The following EHD1 variants were observed in gnomAD, a reference collection of about 807,000 sequenced individuals.
The protein encoded by EHD1 is EH domain-containing protein 1.
EHD1 carries 19 observed loss-of-function variants against 39.0 expected under a neutral mutation model. The ratio of observed to expected loss-of-function variants is 0.49; its 90% CI spans 0.34 to 0.72. The LOEUF (loss-of-function observed/expected upper bound fraction) is 0.72. Among genes scored for constraint, EHD1 ranks in the 30% least tolerant of loss-of-function variants. The pLI is 0.01. For synonymous variants in EHD1, 323 were observed against 331.2 expected, an observed-to-expected ratio of 0.98 and a Z score of 0.27; for missense variants, 542 against 751.5, an observed-to-expected ratio of 0.72 and a Z score of 3.26.
chr11:64,879,370 A>G (rs589556), upstream of EHD1, among the ~76,000 whole-genome samples: 137,606 of 152,154 alleles, frequency 0.9, 62,656 homozygotes, highest in Non-Finnish European at 0.93. Flanking sequence ...CTTCCCCACA[A>G]AGGCTATAGC....
rs868241191 is a variant in EHD1, at chr11:64,854,232, C to T, written c.*101G>A. ...CCTTTTCGAGAGGCGAGGAAACATC[C>T]GCTCAGTCTTTATGGACCTTGAGAA... On this transcript the variant is annotated 3_prime_UTR_variant, in exon 5 of 5. Coordinates refer to ENST00000320631, the MANE Select transcript of EHD1 (RefSeq NM_006795.4). 1.7e-5 allele frequency: 24 copies of T among 1,446,034 alleles called. No individual in the cohort carries two copies. Among genetic ancestry groups the T allele is most frequent in the Middle Eastern group, 4.2e-4 (2 of 4,782 alleles). The allele number at this position is 1,446,034 out of a possible 1,614,324, so 89.6% of individuals were successfully genotyped here. A position where few individuals can be genotyped will look rare whatever the true frequency, so the allele number is the denominator to read the frequency against.
In EHD1 at chr11:64,852,610, G is replaced by C. The variant is rs1218813320; in HGVS notation, c.*1723C>G. On this transcript the variant is annotated 3_prime_UTR_variant, in exon 5 of 5. Coordinates refer to ENST00000320631, the MANE Select transcript of EHD1 (RefSeq NM_006795.4). ...TGCCCAGCAGAGCAGGACTGGGCAG[G>C]GTTGGTCACCTTGCCCCGGCTGCCT... 2 of 152,536 alleles carry C rather than the reference G, an allele frequency of 1.3e-5. No homozygotes were observed. Among genetic ancestry groups the C allele is most frequent in the Non-Finnish European group, 2.9e-5 (2 of 68,150 alleles). 9.4% of individuals were successfully genotyped at this position (152,536 alleles called of 1,614,324 possible). A position where few individuals can be genotyped will look rare whatever the true frequency, so the allele number is the denominator to read the frequency against.
At chr11:64,877,382 G>T (rs1365307035) in intron 1 of EHD1, among the ~76,000 whole-genome samples, 1 of 152,136 alleles carries the variant, frequency 6.6e-6, no homozygotes, top group African/African-American at 2.4e-5. Flanking sequence ...AGGGCTTAGG[G>T]CCAGAATCTC....
chr11:64,873,919 C>T (rs1222741798), intron 2 of EHD1, among the ~76,000 whole-genome samples: 2 of 151,176 alleles, frequency 1.3e-5, no homozygotes, highest in Non-Finnish European at 3.0e-5. Flanking sequence ...CCTCGTGATC[C>T]GCCCACCTCG....
intron 2 of EHD1, among the ~76,000 whole-genome samples, chr11:64,867,808 G>A (rs994747635): frequency 2.6e-5 from 4 of 152,238 alleles, no homozygotes; most frequent in Non-Finnish European, 5.9e-5. Context: ...AAGTGAAAAC[G>A]AAAAGTCCTG....
intron 2 of EHD1, among the ~76,000 whole-genome samples, chr11:64,872,412 G>A (rs890595380): frequency 6.6e-6 from 1 of 152,158 alleles, no homozygotes; most frequent in African/African-American, 2.4e-5. Context: ...AGTGAACCGA[G>A]ATCATGCCAC....
At chr11:64,873,676 G>T (rs1432654640) in intron 2 of EHD1, among the ~76,000 whole-genome samples, 1 of 151,500 alleles carries the variant, frequency 6.6e-6, no homozygotes, top group Non-Finnish European at 1.5e-5. Flanking sequence ...TTCTTACTCG[G>T]ACACTTTTTT....
chr11:64,865,148 C>T (rs1217771339), intron 2 of EHD1, among the ~76,000 whole-genome samples: 1 of 152,242 alleles, frequency 6.6e-6, no homozygotes, highest in African/African-American at 2.4e-5. Flanking sequence ...GCCAGCCACA[C>T]CCACAGGTGA....
intron 2 of EHD1, among the ~76,000 whole-genome samples, chr11:64,863,406 T>G (rs1943735458): frequency 6.6e-6 from 1 of 152,134 alleles, no homozygotes; most frequent in Non-Finnish European, 1.5e-5. Context: ...CCCACGGTGA[T>G]GGGAGGGCAG....
At chr11:64,862,666 A>G (rs1000039155) in intron 2 of EHD1, among the ~76,000 whole-genome samples, 1 of 152,176 alleles carries the variant, frequency 6.6e-6, no homozygotes, top group Non-Finnish European at 1.5e-5. Context: ...TGAATCCTAT[A>G]TGACAACTAG....
At chr11:64,866,723 G>A (rs1279259401) in intron 2 of EHD1, among the ~76,000 whole-genome samples, 2 of 151,094 alleles carry the variant, frequency 1.3e-5, no homozygotes, top group South Asian at 2.1e-4. Context: ...CAGATACTAC[G>A]CTTATTACCT....
At chr11:64,857,500 C>A (rs1943666082) in intron 3 of EHD1, among the ~76,000 whole-genome samples, 1 of 152,198 alleles carries the variant, frequency 6.6e-6, no homozygotes, top group Non-Finnish European at 1.5e-5. Flanking sequence ...GAGCCGGCAT[C>A]TGACCCACGC....
intron 2 of EHD1, among the ~76,000 whole-genome samples, chr11:64,865,550 C>T (rs751428411): frequency 1.3e-5 from 2 of 152,178 alleles, no homozygotes; most frequent in Non-Finnish European, 2.9e-5. Flanking sequence ...ATGGCCCAAG[C>T]GGGTGGGCTG....
chr11:64,862,382 T>C (rs3897617), intron 2 of EHD1, among the ~76,000 whole-genome samples: 151,534 of 152,362 alleles, frequency 0.99, 75,362 homozygotes, highest in Middle Eastern at 1. Context: ...CAGCTTCAGA[T>C]TGCATTTCCC....
chr11:64,859,276 C>T (rs138707281), intron 3 of EHD1, among the ~76,000 whole-genome samples: 1 of 152,312 alleles, frequency 6.6e-6, no homozygotes, highest in East Asian at 1.9e-4. Flanking sequence ...TCCCAGCACT[C>T]TGGGAGGCTG....
At chr11:64,862,436 C>G (rs1386624693) in intron 2 of EHD1, among the ~76,000 whole-genome samples, 2 of 152,202 alleles carry the variant, frequency 1.3e-5, no homozygotes, top group Non-Finnish European at 2.9e-5. Context: ...CATGAGCCCT[C>G]TGTTGTTTTC....
chr11:64,879,554 C>T (rs1943930673), upstream of EHD1: 2 of 1,547,654 alleles, frequency 1.3e-6, no homozygotes, highest in Non-Finnish European at 1.7e-6. Flanking sequence ...CCACTTTCCT[C>T]TCGGGGTCAC....
rs146149208 is a variant in EHD1 at position 64,864,112 on chromosome 11, C to T, written c.503-3776G>A. Among the ~76,000 whole-genome samples, 1,282 of 152,360 alleles carry T rather than the reference C, an allele frequency of 8.4e-3. 9 individuals are homozygous for T. The highest frequency in any genetic ancestry group is 0.013 in the Non-Finnish European group (891 of 68,026). On this transcript the variant is annotated intron_variant, in intron 2 of 4. Transcript: ENST00000320631. ...AGCCTCTCCACAGGTGATGTGCGGC[C>T]GTTCCCTGCCCCAGCTCAACAGGAA...
Position 64,852,530 on chromosome 11 carries a change from C to T in EHD1, c.*1803G>A, listed in dbSNP as rs983340934. The stretch of plus-strand genomic sequence containing the variant: ...CCTTGCTCAGGGAAGGGGGCATCAC[C>T]CCAGAAACCCTTTTCCCTACAGGCC... On this transcript the variant is annotated 3_prime_UTR_variant, in exon 5 of 5. Transcript: ENST00000320631. 6.6e-6 allele frequency: 1 copy of T among 152,332 alleles called. No homozygotes were observed. The highest frequency in any genetic ancestry group is 1.5e-5 in the Non-Finnish European group (1 of 68,124). 9.4% of individuals were successfully genotyped at this position (152,332 alleles called of 1,614,324 possible).
Sources: allele counts gnomAD v4.1 joint callset (sites outside exome capture counted in the v4.1 genomes callset), GRCh38; gene constraint gnomAD v4.1.1; transcripts MANE v1.5; gene names NCBI Gene and HGNC (gene_info 2026-07-23, HGNC 2026-07-21).